The following PCDHA1 variants were observed in gnomAD, a reference collection of about 807,000 sequenced individuals.
PCDHA1 encodes protocadherin alpha-1.
Under a neutral mutation model 61.3 loss-of-function variants are expected in PCDHA1, and 42 were observed. That is an observed-to-expected ratio of 0.69 (90% CI 0.54 to 0.89). PCDHA1 has a LOEUF of 0.89. PCDHA1 is among the 40% of genes least tolerant of loss of function. The pLI is 0.00. For synonymous variants in PCDHA1, 610 were observed against 553.8 expected (o/e 1.10, Z -1.43); for missense variants, 1,256 against 1,235.3 (o/e 1.02, Z -0.25).
At chr5:140,968,904 G>A (rs1554231223) in intron 1 of PCDHA1, 1 of 1,614,058 alleles carries the variant, frequency 6.2e-7, no homozygotes, top group Non-Finnish European at 8.5e-7. Flanking sequence ...ATAGCATTAA[G>A]CACAGTGTCT....
chr5:140,929,713 G>A (rs1328262633), intron 1 of PCDHA1: 3 of 235,294 alleles, frequency 1.3e-5, no homozygotes, highest in Non-Finnish European at 2.6e-5. Flanking sequence ...TAATATGGAA[G>A]GTGAAACATT....
intron 3 of PCDHA1, among the ~76,000 whole-genome samples, chr5:140,994,044 G>C (rs782758789): frequency 9.9e-5 from 15 of 152,240 alleles, no homozygotes; most frequent in Middle Eastern, 3.4e-3. Flanking sequence ...ATATAACACA[G>C]TCCTGCCCTT....
chr5:140,869,562 A>T (rs373044645), intron 1 of PCDHA1: 50 of 1,614,050 alleles, frequency 3.1e-5, no homozygotes, highest in Non-Finnish European at 3.5e-5. Context: ...CGCGTTTTCC[A>T]CTAGAGGGAG....
intron 1 of PCDHA1, chr5:140,824,610 G>GTTGTTT (rs1768193318): frequency 1.1e-5 from 1 of 95,104 alleles, no homozygotes; most frequent in African/African-American, 4.9e-5. Context: ...GCTAATTAAA[G>GTTGTTT]TTTTTTTTTT....
intron 1 of PCDHA1, chr5:140,837,064 G>A: frequency 5.4e-6 from 1 of 186,332 alleles, no homozygotes; most frequent in Non-Finnish European, 1.1e-5. Context: ...TCCATATTTT[G>A]ATAATCAATA....
At chr5:140,921,965 A>T (rs1459699467) in intron 1 of PCDHA1, among the ~76,000 whole-genome samples, 1 of 152,112 alleles carries the variant, frequency 6.6e-6, no homozygotes. Flanking sequence ...AGAAAACCAA[A>T]GGAAAAAATA....
chr5:140,914,159 G>A (rs1193212496), intron 1 of PCDHA1, among the ~76,000 whole-genome samples: 3 of 152,088 alleles, frequency 2.0e-5, no homozygotes, highest in African/African-American at 4.8e-5. Flanking sequence ...TGTCCAATAC[G>A]GAAAGTGGGG....
intron 1 of PCDHA1, chr5:140,927,901 GC>G (rs1423958386): frequency 3.1e-6 from 5 of 1,614,084 alleles, no homozygotes; most frequent in Non-Finnish European, 4.2e-6. Context: ...GAACGATCAT[GC>G]CCCCGAACTG....
At chr5:140,893,229 G>A (rs922723551) in intron 1 of PCDHA1, among the ~76,000 whole-genome samples, 3 of 152,212 alleles carry the variant, frequency 2.0e-5, no homozygotes, top group Non-Finnish European at 4.4e-5. Context: ...GTATCACTTT[G>A]ACATACTGGT....
At chr5:140,967,947 C>A in intron 1 of PCDHA1, 1 of 1,614,222 alleles carries the variant, frequency 6.2e-7, no homozygotes, top group Non-Finnish European at 8.5e-7. Flanking sequence ...GACCAAGACT[C>A]AGGCCCCAAC....
At chr5:140,850,167 G>C (rs2041389844) in intron 1 of PCDHA1, 2 of 1,594,718 alleles carry the variant, frequency 1.3e-6, no homozygotes, top group African/African-American at 1.3e-5. Flanking sequence ...CGTGCTGGAC[G>C]AGAACGACAA....
chr5:140,888,819 G>A (rs2061994549), intron 1 of PCDHA1, among the ~76,000 whole-genome samples: 1 of 151,908 alleles, frequency 6.6e-6, no homozygotes, highest in African/African-American at 2.4e-5. Context: ...TGTGATCTGT[G>A]ATCACATCAC....
chr5:140,886,158 C>A (rs888588847), intron 1 of PCDHA1, among the ~76,000 whole-genome samples: 2 of 152,142 alleles, frequency 1.3e-5, no homozygotes, highest in South Asian at 4.1e-4. Context: ...CTTTTTATAG[C>A]CACATCTGCT....
Position 140,924,836 on chromosome 5 carries a change from A to G in PCDHA1, c.2395-54113A>G, listed in dbSNP as rs182903893. ...CTTGAACCTGGGAGGGGGAGGTTGC[A>G]GGGAGCTCAGATCGTGCCACTGCAC... On this transcript the variant is annotated intron_variant, in intron 1 of 3. Coordinates refer to ENST00000504120, the MANE Select transcript of PCDHA1 (RefSeq NM_018900.4). Among the ~76,000 whole-genome samples, 1,210 of 151,808 alleles carry G rather than the reference A, an allele frequency of 8.0e-3. 6 individuals carry two copies. Among genetic ancestry groups the G allele is most frequent in the African/African-American group, 0.019 (780 of 41,292 alleles).
At chr5:140,908,019 G>A (rs1031093375) in intron 1 of PCDHA1, among the ~76,000 whole-genome samples, 1 of 152,122 alleles carries the variant, frequency 6.6e-6, no homozygotes, top group Non-Finnish European at 1.5e-5. Context: ...ACTGGCTACA[G>A]CCCATTAATC....
At chr5:140,793,139 T>C (rs1386869762) in intron 1 of PCDHA1, among the ~76,000 whole-genome samples, 1 of 152,156 alleles carries the variant, frequency 6.6e-6, no homozygotes, top group Non-Finnish European at 1.5e-5. Flanking sequence ...CTGGTAAGAG[T>C]CATCAAACTG....
intron 1 of PCDHA1, chr5:140,829,680 T>G: frequency 6.2e-7 from 1 of 1,613,216 alleles, no homozygotes; most frequent in Non-Finnish European, 8.5e-7. Flanking sequence ...GAGCTAGAGC[T>G]GCTGCAGTTT....
At chr5:140,871,080 G>T (rs1554165086) in intron 1 of PCDHA1, 2 of 1,613,094 alleles carry the variant, frequency 1.2e-6, no homozygotes, top group Admixed American at 1.7e-5. Context: ...CGGCGCTGAC[G>T]GCCACGGCCA....
Position 140,842,183 on chromosome 5 carries a change from A to G in PCDHA1, c.2394+53499A>G, listed in dbSNP as rs1554138845. On this transcript the variant is annotated intron_variant, in intron 1 of 3. Transcript: ENST00000504120. ...TTCTTTTAATAGCCTTGTTGAAACT[A>G]TGGTTATTGACCACTTTAGCATAGA... is the stretch of plus-strand genomic sequence containing the variant. The G allele has an allele frequency of 1.9e-6, 3 of 1,613,754 alleles. No individual in the cohort carries two copies. In the East Asian group the frequency reaches 6.7e-5, roughly 36 times the overall value.
Sources: allele counts gnomAD v4.1 joint callset (sites outside exome capture counted in the v4.1 genomes callset), GRCh38; gene constraint gnomAD v4.1.1; transcripts MANE v1.5; gene names NCBI Gene and HGNC (gene_info 2026-07-23, HGNC 2026-07-21).